The following FHL5 variants were observed in gnomAD, a reference collection of about 807,000 sequenced individuals.
FHL5 encodes four and a half LIM domains protein 5.
In FHL5, 33 loss-of-function variants were observed where a neutral mutation model predicts 32.0. The ratio of observed to expected loss-of-function variants is 1.03; its 90% CI spans 0.78 to 1.38. The LOEUF (loss-of-function observed/expected upper bound fraction) is 1.38. Ranked by LOEUF, FHL5 falls within the 40% of genes most tolerant of loss-of-function variation. The pLI, the probability that FHL5 is intolerant of heterozygous loss-of-function variation, is 0.00. For synonymous variants in FHL5, 114 were observed against 113.6 expected (o/e 1.00, Z -0.02); for missense variants, 336 against 343.9 (o/e 0.98, Z 0.18).
At chr6:96,576,961 A>T (rs1464120341) in intron 1 of FHL5, among the ~76,000 whole-genome samples, 1 of 152,224 alleles carries the variant, frequency 6.6e-6, no homozygotes, top group Non-Finnish European at 1.5e-5. Context: ...GAATTAGCAT[A>T]AAAACCTGAG....
intron 1 of FHL5, among the ~76,000 whole-genome samples, chr6:96,577,367 A>AC (rs796265299): frequency 4.0e-5 from 6 of 150,930 alleles, no homozygotes; most frequent in African/African-American, 1.2e-4. Context: ...CAACTCAAAC[A>AC]CCCCCCCAAC....
chr6:96,581,146 T>C (rs1770689011), intron 1 of FHL5, among the ~76,000 whole-genome samples: 3 of 152,166 alleles, frequency 2.0e-5, no homozygotes, highest in South Asian at 4.1e-4. Context: ...TCTAAATTCC[T>C]GGATCCAGGG....
chr6:96,606,244 CT>C (rs921104480), intron 4 of FHL5, among the ~76,000 whole-genome samples, 173 bp downstream of exon 4: 161 of 145,518 alleles, frequency 1.1e-3, no homozygotes, highest in Non-Finnish European at 1.1e-3. Context: ...GCATGACCAT[CT>C]TTTTTTTTTT....
intron 1 of FHL5, among the ~76,000 whole-genome samples, chr6:96,572,215 G>A (rs1770493691): frequency 6.6e-6 from 1 of 152,122 alleles, no homozygotes; most frequent in African/African-American, 2.4e-5. Context: ...TTGGGATGCG[G>A]GGCATCAGTT....
At chr6:96,580,500 C>T (rs1022202771) in intron 1 of FHL5, among the ~76,000 whole-genome samples, 1 of 152,070 alleles carries the variant, frequency 6.6e-6, no homozygotes, top group Non-Finnish European at 1.5e-5. Context: ...TATAAATGTG[C>T]CCTTATGGAC....
chr6:96,584,458 TGTTTG>T (rs1562055773), intron 1 of FHL5, among the ~76,000 whole-genome samples: 10 of 141,274 alleles, frequency 7.1e-5, no homozygotes, highest in African/African-American at 2.9e-4. Flanking sequence ...TGTGTGTGTG[TGTTTG>T]TGTGTGTGTG....
At chr6:96,615,024 A>G (rs1771487358) in intron 5 of FHL5, among the ~76,000 whole-genome samples, 1 of 128,292 alleles carries the variant, frequency 7.8e-6, no homozygotes, top group Admixed American at 7.4e-5. Flanking sequence ...AAAATCCTCT[A>G]TTTGGTTATG....
At chr6:96,614,849 C>G (rs113316141) in intron 5 of FHL5, among the ~76,000 whole-genome samples, 8 of 152,170 alleles carry the variant, frequency 5.3e-5, no homozygotes, top group African/African-American at 1.9e-4. Context: ...TTTAAAGAAA[C>G]AGTATGGTTC....
At chr6:96,595,503 C>T (rs1771017773) in intron 1 of FHL5, among the ~76,000 whole-genome samples, 1 of 151,818 alleles carries the variant, frequency 6.6e-6, no homozygotes, top group Non-Finnish European at 1.5e-5. Flanking sequence ...AAATTCAATT[C>T]TATCTCCAAC....
intron 1 of FHL5, among the ~76,000 whole-genome samples, chr6:96,569,604 G>T (rs1464376298): frequency 6.6e-6 from 1 of 151,920 alleles, no homozygotes; most frequent in Non-Finnish European, 1.5e-5. Context: ...TCTGGATGTT[G>T]TGGTATTGGA....
intron 1 of FHL5, among the ~76,000 whole-genome samples, chr6:96,598,338 C>A (rs933460544): frequency 6.6e-6 from 1 of 152,180 alleles, no homozygotes; most frequent in African/African-American, 2.4e-5. Context: ...GTGTTTGTAG[C>A]CGAGCCAAAT....
At chr6:96,604,262 TTTC>T (rs909344708) in intron 2 of FHL5, among the ~76,000 whole-genome samples, 63 of 152,128 alleles carry the variant, frequency 4.1e-4, no homozygotes, top group Admixed American at 1.2e-3. Flanking sequence ...TCTTTCTTTC[TTTC>T]TTCTTTTCTT....
chr6:96,600,634 ATTTATATAG>A (rs1387347248), intron 1 of FHL5, among the ~76,000 whole-genome samples: 1 of 152,128 alleles, frequency 6.6e-6, no homozygotes, highest in African/African-American at 2.4e-5. Flanking sequence ...AGTGTGTATC[ATTTATATAG>A]TTATAATACC....
At chr6:96,585,220 T>C (rs2127964588) in intron 1 of FHL5, among the ~76,000 whole-genome samples, 2 of 152,334 alleles carry the variant, frequency 1.3e-5, no homozygotes, top group Admixed American at 1.3e-4. Flanking sequence ...TTCAACAGTT[T>C]GCATTAGGTC....
At chr6:96,589,200 G>A (rs1406571729) in intron 1 of FHL5, among the ~76,000 whole-genome samples, 4 of 151,864 alleles carry the variant, frequency 2.6e-5, no homozygotes, top group Admixed American at 1.3e-4. Context: ...TTGGTCTTTG[G>A]TTTATCCTGT....
intron 1 of FHL5, among the ~76,000 whole-genome samples, chr6:96,571,103 T>C (rs1290044092): frequency 1.3e-5 from 2 of 152,188 alleles, no homozygotes; most frequent in African/African-American, 4.8e-5. Context: ...TCTGTGTATC[T>C]AGTGAAATAA....
At chr6:96,578,897 G>A (rs1770642174) in intron 1 of FHL5, among the ~76,000 whole-genome samples, 1 of 151,806 alleles carries the variant, frequency 6.6e-6, no homozygotes, top group East Asian at 1.9e-4. Context: ...TAGTTATGTG[G>A]GTATTTTCTA....
At position 96,617,431 on chromosome 6, in the gene FHL5, C is replaced by A. The variant is rs998423392; in HGVS notation, c.*1659C>A. Reference sequence around the variant, plus strand: ...TAGTTTAAAATGCAAGAATATTCAGCGATGTTAATAATTTAGAGATACTAA... The same window carrying A: ...TAGTTTAAAATGCAAGAATATTCAGAGATGTTAATAATTTAGAGATACTAA... On this transcript the variant is annotated 3_prime_UTR_variant, in exon 6 of 6. Transcript: ENST00000450218. Among the ~76,000 whole-genome samples the A allele has an allele frequency of 1.3e-5, 2 of 152,218 alleles. No individual in the cohort carries two copies. Among genetic ancestry groups the A allele is most frequent in the Non-Finnish European group, 2.9e-5 (2 of 68,024 alleles).
chr6:96,592,267 C>T (rs578076847), intron 1 of FHL5, among the ~76,000 whole-genome samples: 1 of 152,264 alleles, frequency 6.6e-6, no homozygotes, highest in East Asian at 1.9e-4. Flanking sequence ...GGCCCACCCT[C>T]AGGGGCACAT....
Sources: allele counts gnomAD v4.1 joint callset (sites outside exome capture counted in the v4.1 genomes callset), GRCh38; gene constraint gnomAD v4.1.1; transcripts MANE v1.5; gene names NCBI Gene and HGNC (gene_info 2026-07-23, HGNC 2026-07-21).